The following DLGAP1 variants were observed in gnomAD, a reference collection of about 807,000 sequenced individuals.
DLGAP1 encodes the protein disks large-associated protein 1.
Under a neutral mutation model 90.8 loss-of-function variants are expected in DLGAP1, and 11 were observed. The observed-to-expected ratio is 0.12, with a 90% confidence interval of 0.08 to 0.20. The LOEUF is 0.20. Ranked by LOEUF, DLGAP1 falls within the 10% of genes least tolerant of loss-of-function variation. The pLI is 1.00. For missense variants in DLGAP1, 1,050 were observed against 1,333.8 expected, an observed-to-expected ratio of 0.79 and a Z score of 3.31; for synonymous variants, 558 against 540.7, an observed-to-expected ratio of 1.03 and a Z score of -0.44.
At chr18:3,658,098 T>C (rs2059565838) in intron 7 of DLGAP1, among the ~76,000 whole-genome samples, 1 of 152,196 alleles carries the variant, frequency 6.6e-6, no homozygotes, top group South Asian at 2.1e-4. Context: ...ACTATGTCAG[T>C]ACCCATACCA....
intron 2 of DLGAP1, among the ~76,000 whole-genome samples, chr18:4,104,936 C>T (rs1429433902): frequency 6.6e-6 from 1 of 152,134 alleles, no homozygotes; most frequent in Non-Finnish European, 1.5e-5. Context: ...GCAAATGCAA[C>T]CATCAAACAG....
At chr18:3,505,144 G>C (rs2050146248) in intron 11 of DLGAP1, among the ~76,000 whole-genome samples, 1 of 152,270 alleles carries the variant, frequency 6.6e-6, no homozygotes, top group African/African-American at 2.4e-5. Flanking sequence ...CCAGGCCACT[G>C]TGCCTCCTGG....
intron 2 of DLGAP1, among the ~76,000 whole-genome samples, chr18:4,040,860 C>T (rs2074963583): frequency 6.6e-6 from 1 of 152,298 alleles, no homozygotes; most frequent in South Asian, 2.1e-4. Context: ...TTCTCCATGT[C>T]AAGAAACAGC....
chr18:3,652,163 C>CAAAAAAAA (rs756445206), intron 7 of DLGAP1, among the ~76,000 whole-genome samples: 24 of 93,422 alleles, frequency 2.6e-4, no homozygotes, highest in African/African-American at 7.0e-4. Context: ...GACTCTGTAT[C>CAAAAAAAA]AAAAAAAAAA....
At chr18:4,206,536 T>C (rs1489110545) in intron 1 of DLGAP1, among the ~76,000 whole-genome samples, 1 of 152,110 alleles carries the variant, frequency 6.6e-6, no homozygotes, top group East Asian at 1.9e-4. Flanking sequence ...CAGGCCAGGA[T>C]AAAGAAACCG....
chr18:3,733,512 T>G (rs1339204066), intron 6 of DLGAP1, among the ~76,000 whole-genome samples: 1 of 152,144 alleles, frequency 6.6e-6, no homozygotes, highest in Non-Finnish European at 1.5e-5. Context: ...CCAGTGTTTT[T>G]TGGATATTGT....
chr18:4,234,722 T>C (rs776505585), intron 1 of DLGAP1, among the ~76,000 whole-genome samples: 20 of 152,206 alleles, frequency 1.3e-4, no homozygotes, highest in Non-Finnish European at 2.2e-4. Flanking sequence ...CAGATAACTG[T>C]AGTAATTATA....
intron 1 of DLGAP1, among the ~76,000 whole-genome samples, chr18:4,336,497 C>T (rs142573106): frequency 1.2e-3 from 177 of 152,266 alleles, no homozygotes; most frequent in Middle Eastern, 0.01. Flanking sequence ...AGGAGAGTAA[C>T]GGCTACTTCT....
chr18:4,394,915 T>C (rs1376149318), intron 1 of DLGAP1, among the ~76,000 whole-genome samples: 1 of 152,218 alleles, frequency 6.6e-6, no homozygotes, highest in African/African-American at 2.4e-5. Flanking sequence ...CAGGAATACC[T>C]TCATTCGGCC....
At chr18:3,959,669 A>G (rs28751889) in intron 3 of DLGAP1, among the ~76,000 whole-genome samples, 3,093 of 149,262 alleles carry the variant, frequency 0.021, 41 homozygotes, top group Non-Finnish European at 0.024. Context: ...GTCTCAAAAA[A>G]AAAGAAAGAA....
intron 1 of DLGAP1, among the ~76,000 whole-genome samples, chr18:4,423,494 A>C (rs2144696514): frequency 6.6e-6 from 1 of 152,342 alleles, no homozygotes; most frequent in Non-Finnish European, 1.5e-5. Context: ...TGTAGGTTGG[A>C]ATTTTCAACA....
intron 1 of DLGAP1, among the ~76,000 whole-genome samples, chr18:4,151,898 G>T (rs962310823): frequency 6.6e-6 from 1 of 152,176 alleles, no homozygotes; most frequent in Non-Finnish European, 1.5e-5. Context: ...GATGGGTGCA[G>T]CAAACCACCA....
chr18:4,069,417 C>T (rs747555959), intron 2 of DLGAP1, among the ~76,000 whole-genome samples: 3 of 152,156 alleles, frequency 2.0e-5, no homozygotes, highest in African/African-American at 4.8e-5. Flanking sequence ...CACAAAATCT[C>T]ATGTCAAATT....
chr18:3,942,973 T>A (rs1400422919), intron 3 of DLGAP1, among the ~76,000 whole-genome samples: 1 of 151,994 alleles, frequency 6.6e-6, no homozygotes, highest in African/African-American at 2.4e-5. Flanking sequence ...ATTTTTGTTT[T>A]TTTTTTTCCA....
chr18:4,204,123 A>G (rs1196187983), intron 1 of DLGAP1, among the ~76,000 whole-genome samples: 7 of 152,234 alleles, frequency 4.6e-5, no homozygotes, highest in Non-Finnish European at 8.8e-5. Flanking sequence ...TTCATCTTCT[A>G]TAATATTTAA....
intron 3 of DLGAP1, among the ~76,000 whole-genome samples, chr18:3,958,788 G>C (rs2073135119): frequency 6.6e-6 from 1 of 152,186 alleles, no homozygotes; most frequent in East Asian, 1.9e-4. Context: ...GTAGCCAGTA[G>C]TTAAAGCCCC....
In DLGAP1 at chr18:4,105,106, C is replaced by T. The variant is rs187377958; in HGVS notation, c.-159+46074G>A. Among the ~76,000 whole-genome samples the T allele has an allele frequency of 2.6e-5, 4 of 152,174 alleles. No individual in the cohort carries two copies. The East Asian group carries it at 7.7e-4, about 29-fold the overall frequency. On this transcript the variant is annotated intron_variant, in intron 2 of 12. Transcript: ENST00000315677. ...ACAAGGTCCACTGCATAAAAGAAGC[C>T]CTGAGAGGAGTGGAGAGAAGCACTC...
intron 3 of DLGAP1, chr18:3,978,158 G>T: frequency 4.5e-6 from 2 of 446,998 alleles, no homozygotes; most frequent in Non-Finnish European, 4.4e-6. Flanking sequence ...TGGCTGGTGG[G>T]GGGCAAAGCC....
chr18:3,720,888 CAAAAA>C (rs1186426563), intron 7 of DLGAP1, among the ~76,000 whole-genome samples: 13 of 50,314 alleles, frequency 2.6e-4, no homozygotes, highest in East Asian at 6.6e-4. Flanking sequence ...CTTGTCTCTA[CAAAAA>C]AAAAAAAAAA....
Sources: allele counts gnomAD v4.1 joint callset (sites outside exome capture counted in the v4.1 genomes callset), GRCh38; gene constraint gnomAD v4.1.1; transcripts MANE v1.5; gene names NCBI Gene and HGNC (gene_info 2026-07-23, HGNC 2026-07-21).